The following PRDM5 variants were observed in gnomAD, a reference collection of about 807,000 sequenced individuals.
The protein encoded by PRDM5 is PR domain zinc finger protein 5.
A neutral mutation model predicts 81.2 loss-of-function variants in PRDM5; 56 were observed. The ratio of observed to expected loss-of-function variants is 0.69; its 90% CI spans 0.56 to 0.86. PRDM5 has a LOEUF of 0.86. Among genes scored for constraint, PRDM5 ranks in the 40% least tolerant of loss-of-function variants. The pLI is 0.00. For missense variants in PRDM5, 697 were observed against 770.1 expected (o/e 0.91, Z 1.12); for synonymous variants, 267 against 256.4 (o/e 1.04, Z -0.39).
chr4:120,879,816 C>T lies in PRDM5; in HGVS notation c.178-26276G>A, dbSNP rs193117559. Among the ~76,000 whole-genome samples, 716 of 151,584 alleles carry T rather than the reference C, an allele frequency of 4.7e-3. 3 individuals carry two copies. The highest frequency in any genetic ancestry group is 0.016 in the African/African-American group (669 of 41,264). ...ATTGATTATGAGATTCTGGAAAAGG[C>T]AAAACTATGGAGATAGTTAAAAAAA... On this transcript the variant is annotated intron_variant, in intron 2 of 15. Transcript: ENST00000264808.
intron 8 of PRDM5, among the ~76,000 whole-genome samples, chr4:120,806,348 C>T (rs573852918): frequency 1.4e-4 from 21 of 152,212 alleles, no homozygotes; most frequent in East Asian, 1.9e-4. Context: ...GAAAAAACTA[C>T]GTGAAAGTTC....
intron 2 of PRDM5, among the ~76,000 whole-genome samples, chr4:120,859,209 CTT>C (rs373788259): frequency 1.9e-4 from 25 of 134,616 alleles, no homozygotes; most frequent in Admixed American, 2.2e-4. Flanking sequence ...ACCATGTCAA[CTT>C]TTTTTTTTTT....
At chr4:120,734,610 G>A (rs115776166) in intron 14 of PRDM5, among the ~76,000 whole-genome samples, 5,469 of 152,224 alleles carry the variant, frequency 0.036, 127 homozygotes, top group African/African-American at 0.061. Context: ...ATGCTGAAAC[G>A]CTTCCCTTCC....
intron 13 of PRDM5, among the ~76,000 whole-genome samples, chr4:120,761,613 G>A (rs988423906): frequency 5.3e-5 from 8 of 152,172 alleles, no homozygotes; most frequent in African/African-American, 1.9e-4. Flanking sequence ...CTGATAAAAC[G>A]ATCCTAAAGC....
intron 1 of PRDM5, among the ~76,000 whole-genome samples, chr4:120,919,391 G>T (rs1452935266): frequency 6.6e-6 from 1 of 152,224 alleles, no homozygotes; most frequent in Non-Finnish European, 1.5e-5. Flanking sequence ...CTGAAAGTCA[G>T]AGAAGAAAAA....
intron 2 of PRDM5, among the ~76,000 whole-genome samples, chr4:120,863,601 G>A (rs1044999772): frequency 6.6e-6 from 1 of 151,754 alleles, no homozygotes; most frequent in Non-Finnish European, 1.5e-5. Flanking sequence ...TTCAACCAAA[G>A]CATTTAAAAA....
chr4:120,688,427 G>C (rs1439481863), downstream of PRDM5, among the ~76,000 whole-genome samples: 1 of 152,024 alleles, frequency 6.6e-6, no homozygotes, highest in Non-Finnish European at 1.5e-5. Flanking sequence ...CCATTGCATA[G>C]GTTGCTTCTC....
intron 3 of PRDM5, among the ~76,000 whole-genome samples, chr4:120,846,553 A>G (rs1282710127): frequency 1.3e-5 from 2 of 152,228 alleles, no homozygotes; most frequent in Admixed American, 6.5e-5. Context: ...CTTAATAGAC[A>G]ACAGTATAGT....
At position 120,811,469 on chromosome 4, in the gene PRDM5, C is replaced by T. The variant is rs1440489136; in HGVS notation, c.866-20G>A. 6.9e-6 allele frequency: 10 copies of T among 1,456,914 alleles called. No individual in the cohort carries two copies. In the South Asian group the frequency reaches 8.2e-5, roughly 12 times the overall value. 90.2% of individuals were successfully genotyped at this position (1,456,914 alleles called of 1,614,324 possible). ...GATCTCCTAAAATAGAAATAAAATA[C>T]CATGATGATTTAAATGAGACTATTA... On this transcript the variant is annotated intron_variant, in intron 7 of 15. Transcript: ENST00000264808.
intron 3 of PRDM5, among the ~76,000 whole-genome samples, chr4:120,845,611 T>A (rs1316157274): frequency 2.6e-5 from 4 of 151,124 alleles, no homozygotes; most frequent in Admixed American, 6.6e-5. Context: ...AGGCACCTGG[T>A]CACCCAAGAG....
At chr4:120,807,477 A>G (rs1444642044) in intron 8 of PRDM5, among the ~76,000 whole-genome samples, 1 of 152,260 alleles carries the variant, frequency 6.6e-6, no homozygotes, top group African/African-American at 2.4e-5. Context: ...TCCATCAATG[A>G]CAGACTGGAT....
intron 2 of PRDM5, among the ~76,000 whole-genome samples, chr4:120,861,430 G>C (rs1338202103): frequency 6.6e-6 from 1 of 152,136 alleles, no homozygotes; most frequent in African/African-American, 2.4e-5. Context: ...TTATTTTAAA[G>C]AGTTGGTGGT....
chr4:120,698,580 C>T (rs1243676970), intron 15 of PRDM5, among the ~76,000 whole-genome samples: 1 of 152,146 alleles, frequency 6.6e-6, no homozygotes, highest in Non-Finnish European at 1.5e-5. Context: ...GTCCAGTCCC[C>T]CTTCTGATCT....
intron 14 of PRDM5, among the ~76,000 whole-genome samples, chr4:120,746,191 C>T (rs1578568601): frequency 1.7e-5 from 1 of 59,688 alleles, no homozygotes; most frequent in African/African-American, 6.9e-5. Flanking sequence ...GAAAGGATTC[C>T]CTATTTAATA....
chr4:120,706,064 A>T (rs1736066493), intron 15 of PRDM5, among the ~76,000 whole-genome samples: 2 of 151,430 alleles, frequency 1.3e-5, no homozygotes, highest in South Asian at 4.2e-4. Context: ...GCTCAGAAAG[A>T]TCTGGGTTTT....
chr4:120,895,868 T>G (rs961141615), intron 2 of PRDM5, among the ~76,000 whole-genome samples: 4 of 152,208 alleles, frequency 2.6e-5, no homozygotes, highest in Non-Finnish European at 4.4e-5. Context: ...AGACAGGGTC[T>G]TGCTTTGTTG....
At chr4:120,769,754 C>G (rs1190791212) in intron 13 of PRDM5, among the ~76,000 whole-genome samples, 1 of 152,118 alleles carries the variant, frequency 6.6e-6, no homozygotes, top group African/African-American at 2.4e-5. Flanking sequence ...AAGGATGAAG[C>G]ATGAAATAAT....
Position 120,922,695 on chromosome 4 carries a change from A to G in PRDM5, c.-87T>C, listed in dbSNP as rs1179945485. ...ACATCGAAATTTGGGGTGCCAGGGT[A>G]GAGGGGAGAAACCGGCAGGGAAGGA... is the stretch of plus-strand genomic sequence containing the variant. On this transcript the variant is annotated 5_prime_UTR_variant, in exon 1 of 16. Coordinates refer to ENST00000264808, the MANE Select transcript of PRDM5 (RefSeq NM_018699.4). 9 of 1,510,160 alleles carry G rather than the reference A, an allele frequency of 6.0e-6. No homozygotes were observed. In the Admixed American group the frequency reaches 1.6e-4, roughly 27 times the overall value. The allele number at this position is 1,510,160 out of a possible 1,614,324, so 93.5% of individuals were successfully genotyped here. A position where few individuals can be genotyped will look rare whatever the true frequency, so the allele number is the denominator to read the frequency against.
At chr4:120,785,742 A>G (rs747988142) in intron 10 of PRDM5, among the ~76,000 whole-genome samples, 1 of 152,190 alleles carries the variant, frequency 6.6e-6, no homozygotes, top group Non-Finnish European at 1.5e-5. Context: ...ACTCCAGTTT[A>G]CAAATGATAA....
Sources: gnomAD v4.1 joint callset for allele counts (sites outside exome capture counted in the v4.1 genomes callset) on GRCh38, gnomAD v4.1.1 for gene constraint, MANE v1.5 for transcripts, NCBI Gene and HGNC (gene_info 2026-07-23, HGNC 2026-07-21) for gene names.